Variants in ANKRD31 observed in about 807,000 individuals in gnomAD.
The protein encoded by ANKRD31 is ankyrin repeat domain-containing protein 31.
ANKRD31 carries 147 observed loss-of-function variants against 186.0 expected under a neutral mutation model. The ratio of observed to expected loss-of-function variants is 0.79; its 90% CI spans 0.69 to 0.91. ANKRD31 has a LOEUF of 0.91. Ranked by LOEUF, ANKRD31 falls within the 40% of genes least tolerant of loss-of-function variation. The probability of loss-of-function intolerance (pLI) is 0.00; values close to 1 mark genes in which losing one functional copy is unlikely to be tolerated. For missense variants in ANKRD31, 1,986 were observed against 2,148.8 expected (o/e 0.92, Z 1.50); for synonymous variants, 673 against 736.4 (o/e 0.91, Z 1.39).
chr5:75,195,803 T>A lies in ANKRD31; in HGVS notation c.845A>T (p.Asp282Val). Residue 282 changes from aspartate to valine, a missense_variant, in exon 7 of 26, where the codon GAT becomes GTT. Coordinates refer to ENST00000506364, the MANE Select transcript of ANKRD31 (RefSeq NM_001372053.1). ...CAATAACTCAGCTGGCAATGCATCA[T>A]CTTTTGCATCTTCTAGTAAATCTCT... is the stretch of plus-strand genomic sequence containing the variant. The part of the protein sequence containing the change: ...CHRDLLEDAK[D>V]DALPAELLEA... 1 of 1,537,390 alleles carries A rather than the reference T, an allele frequency of 6.5e-7. No homozygotes were observed. The highest frequency in any genetic ancestry group is 8.7e-7 in the Non-Finnish European group (1 of 1,146,892).
At chr5:75,130,868 A>T (rs6894021) in intron 17 of ANKRD31, among the ~76,000 whole-genome samples, 1 of 152,342 alleles carries the variant, frequency 6.6e-6, no homozygotes. Flanking sequence ...ACTGGCACTC[A>T]CCACGGGACT....
At chr5:75,208,521 T>C (rs145193704) in intron 4 of ANKRD31, among the ~76,000 whole-genome samples, 2 of 150,686 alleles carry the variant, frequency 1.3e-5, no homozygotes, top group Non-Finnish European at 3.0e-5. Context: ...AAAAATAAAA[T>C]AAAATGGTCT....
chr5:75,104,478 TGTGC>T lies in ANKRD31; in HGVS notation c.5077_5080del (p.Ala1693IlefsTer7), dbSNP rs764306748. 3 of 1,537,164 alleles carry T rather than the reference TGTGC, an allele frequency of 2.0e-6. No homozygotes were observed. In the South Asian group the frequency reaches 3.6e-5, roughly 18 times the overall value. ...ACTGCCTAAGACAGCAATCCCTTGATGTGCCAGAGATTCTGATGCCCCTGTAGGT... is the reference window on the plus strand; with the variant it reads ...ACTGCCTAAGACAGCAATCCCTTGATCAGAGATTCTGATGCCCCTGTAGGT... On this transcript the variant is annotated frameshift_variant, in exon 22 of 26. Transcript: ENST00000506364. LOFTEE classifies it high-confidence loss of function.
At chr5:75,151,959 C>T (rs775652199) in intron 12 of ANKRD31, among the ~76,000 whole-genome samples, 91 of 152,022 alleles carry the variant, frequency 6.0e-4, no homozygotes, top group Admixed American at 1.7e-3. Flanking sequence ...GTGTTTGATA[C>T]ATAGCAACCC....
At chr5:75,107,865 T>C (rs2150064042) in intron 20 of ANKRD31, among the ~76,000 whole-genome samples, 1 of 152,200 alleles carries the variant, frequency 6.6e-6, no homozygotes. Flanking sequence ...GCTGCCCCAC[T>C]AAGTTCTGTG....
At chr5:75,166,755 G>C (rs1460044215) in intron 11 of ANKRD31, among the ~76,000 whole-genome samples, 3 of 152,160 alleles carry the variant, frequency 2.0e-5, no homozygotes, top group African/African-American at 7.2e-5. Flanking sequence ...CTTGTTCTTA[G>C]TGATGCCTAT....
intron 17 of ANKRD31, among the ~76,000 whole-genome samples, chr5:75,126,475 C>A (rs571771436): frequency 2.0e-5 from 3 of 152,238 alleles, no homozygotes; most frequent in Admixed American, 6.5e-5. Flanking sequence ...ACAACTTATT[C>A]ATTTACCAGC....
chr5:75,091,963 G>T (rs970893147), intron 22 of ANKRD31, among the ~76,000 whole-genome samples: 8 of 152,026 alleles, frequency 5.3e-5, no homozygotes, highest in African/African-American at 1.9e-4. Context: ...ATTGGGAGAG[G>T]CAAACGGAAA....
chr5:75,144,199 G>T (rs971716009), intron 14 of ANKRD31, 28 bp from the exon 15 acceptor site: 4 of 396,136 alleles, frequency 1.0e-5, no homozygotes, highest in Admixed American at 4.4e-5. Flanking sequence ...CAATATCAGT[G>T]TTGTTGTTCT....
chr5:75,133,911 G>T (rs6626310), intron 17 of ANKRD31, among the ~76,000 whole-genome samples: 2 of 152,128 alleles, frequency 1.3e-5, no homozygotes, highest in Non-Finnish European at 2.9e-5. Context: ...GCTCCTGAAT[G>T]ACTACTGGGT....
chr5:75,115,346 G>A (rs898420580), intron 19 of ANKRD31, among the ~76,000 whole-genome samples: 1 of 152,058 alleles, frequency 6.6e-6, no homozygotes, highest in African/African-American at 2.4e-5. Context: ...ACATAGGCAT[G>A]GGCAAGCACT....
intron 10 of ANKRD31, among the ~76,000 whole-genome samples, chr5:75,181,676 T>C (rs1169660804): frequency 8.0e-4 from 113 of 141,510 alleles, no homozygotes; most frequent in Admixed American, 3.9e-3. Context: ...TAGGTGGGAA[T>C]TGAACAATGA....
chr5:75,071,845 C>A (rs1744257136), intron 25 of ANKRD31, among the ~76,000 whole-genome samples: 3 of 152,120 alleles, frequency 2.0e-5, no homozygotes, highest in Admixed American at 2.0e-4. Context: ...AGGGATAGGG[C>A]AGGAATCTTT....
Position 75,147,060 on chromosome 5 carries a change from G to T in ANKRD31, c.2351C>A (p.Ser784Tyr). ...TCTCAGGCTTGACAGAGTTAAGCTG[G>T]AAGGTTCACACAATTCTTCTGGAAG... ...NDLPEELCEP[S>Y]SLTLSSLRNG... The change falls in exon 14 of 26, where the codon TCC becomes TAC. Residue 784 changes from serine (S) to tyrosine (Y), a missense_variant. Physicochemically the swap from Ser to Tyr is moderately radical, Grantham distance 144 (BLOSUM62 -2). Coordinates refer to ENST00000506364, the MANE Select transcript of ANKRD31 (RefSeq NM_001372053.1). 2 of 1,536,352 alleles carry T rather than the reference G, an allele frequency of 1.3e-6. No homozygotes were observed. Among genetic ancestry groups the T allele is most frequent in the Non-Finnish European group, 1.7e-6 (2 of 1,146,318 alleles).
chr5:75,112,640 TAG>T, intron 19 of ANKRD31, 40 bp from the exon 20 acceptor site: 1 of 1,278,632 alleles, frequency 7.8e-7, no homozygotes, highest in Non-Finnish European at 1.1e-6. Context: ...TATAAAGGGG[TAG>T]ATATGCTCTC....
chr5:75,142,703 G>C (rs1242559862), intron 15 of ANKRD31, among the ~76,000 whole-genome samples: 1 of 152,084 alleles, frequency 6.6e-6, no homozygotes, highest in Non-Finnish European at 1.5e-5. Context: ...TGGAGGGTGA[G>C]GGGAATGTGG....
chr5:75,222,452 C>A, intron 2 of ANKRD31, 94 bp from the exon 3 acceptor site: 9 of 820,182 alleles, frequency 1.1e-5, no homozygotes, highest in South Asian at 1.8e-5. Flanking sequence ...AAAATGTTAT[C>A]AAGAATCATC....
Position 75,195,953 on chromosome 5 carries a change from T to C in ANKRD31, c.695A>G (p.Glu232Gly), listed in dbSNP as rs1755439691. The C allele has an allele frequency of 7.2e-6, 11 of 1,533,026 alleles. No individual in the cohort carries two copies. The East Asian group carries it at 2.7e-4, about 37-fold the overall frequency. The allele number at this position is 1,533,026 out of a possible 1,614,324, so 95.0% of individuals were successfully genotyped here. A position where few individuals can be genotyped will look rare whatever the true frequency, so the allele number is the denominator to read the frequency against. ...SALESLLTSP[E>G]STQEERLFEL... ...AAACAATCTTTCCTCCTGGGTGCTT[T>C]CTGGTGATGTAAGTAAACTTTCTAA... Residue 232 changes from glutamate (E) to glycine (G), a missense_variant, in exon 7 of 26, where the codon GAA becomes GGA. Coordinates refer to ENST00000506364, the MANE Select transcript of ANKRD31 (RefSeq NM_001372053.1).
intron 17 of ANKRD31, among the ~76,000 whole-genome samples, chr5:75,123,908 C>T (rs114683286): frequency 0.016 from 2,370 of 151,838 alleles, 73 homozygotes; most frequent in African/African-American, 0.054. Flanking sequence ...CCATAAGCAA[C>T]GAAAACAAAA....
Sources: gnomAD v4.1 joint callset for allele counts (sites outside exome capture counted in the v4.1 genomes callset) on GRCh38, gnomAD v4.1.1 for gene constraint, MANE v1.5 for transcripts, NCBI Gene and HGNC (gene_info 2026-07-23, HGNC 2026-07-21) for gene names.